The following CARD8 variants were observed in gnomAD, a reference collection of about 807,000 sequenced individuals.
CARD8 encodes caspase recruitment domain-containing protein 8.
CARD8 carries 38 observed loss-of-function variants against 53.2 expected under a neutral mutation model. That is an observed-to-expected ratio of 0.71 (90% CI 0.55 to 0.94). The LOEUF (loss-of-function observed/expected upper bound fraction) is 0.94, where lower values mean the gene tolerates loss of function less well. CARD8 is among the 40% of genes least tolerant of loss of function. The pLI is 0.00. For synonymous variants in CARD8, 245 were observed against 244.9 expected (o/e 1.00, Z 0.00); for missense variants, 561 against 655.5 (o/e 0.86, Z 1.57).
intron 9 of CARD8, 31 bp from the exon 10 acceptor site, chr19:48,230,731 G>A: frequency 6.2e-7 from 1 of 1,612,796 alleles, no homozygotes; most frequent in Non-Finnish European, 8.5e-7. Flanking sequence ...CAGTGAGACG[G>A]CACGCACCCC....
chr19:48,223,332 C>T (rs1431581484), intron 10 of CARD8, among the ~76,000 whole-genome samples: 1 of 151,420 alleles, frequency 6.6e-6, no homozygotes, highest in South Asian at 2.1e-4. Flanking sequence ...AAAGAAATGT[C>T]AGCAGATCTC....
intron 3 of CARD8, among the ~76,000 whole-genome samples, chr19:48,245,134 T>C (rs1162029445): frequency 6.6e-6 from 1 of 152,238 alleles, no homozygotes; most frequent in Non-Finnish European, 1.5e-5. Flanking sequence ...CTACACGTTA[T>C]TTTCCTCTAT....
intron 11 of CARD8, among the ~76,000 whole-genome samples, chr19:48,220,959 AAGGAAGG>A (rs1260758065): frequency 0.012 from 917 of 77,972 alleles, 15 homozygotes; most frequent in African/African-American, 0.044. Context: ...AAAGGAAAGG[AAGGAAGG>A]AAGGAAGGAA....
rs1458086148 is a variant in CARD8, at chr19:48,209,393, T to G, written c.*2317A>C. 2 of 151,900 alleles carry G rather than the reference T, an allele frequency of 1.3e-5. No individual in the cohort carries two copies. The highest frequency in any genetic ancestry group is 1.9e-4 in the East Asian group (1 of 5,196). 9.4% of individuals were successfully genotyped at this position (151,900 alleles called of 1,614,324 possible). A position where few individuals can be genotyped will look rare whatever the true frequency, so the allele number is the denominator to read the frequency against. ...AAAATATAGAGAACAAAATGGAAAT[T>G]TTAGAACTGATACATACAGTGACCA... On this transcript the variant is annotated 3_prime_UTR_variant, in exon 14 of 14. Coordinates refer to ENST00000651546, the MANE Select transcript of CARD8 (RefSeq NM_001184900.3).
chr19:48,246,706 G>A (rs372242704), intron 3 of CARD8, among the ~76,000 whole-genome samples: 8 of 152,094 alleles, frequency 5.3e-5, no homozygotes, highest in Admixed American at 2.6e-4. Context: ...TCCCAAGCAC[G>A]TGCTGAATGA....
chr19:48,216,271 T>C (rs1176058585), intron 12 of CARD8, among the ~76,000 whole-genome samples: 1 of 152,228 alleles, frequency 6.6e-6, no homozygotes, highest in Non-Finnish European at 1.5e-5. Flanking sequence ...AAATATGTAT[T>C]GCATGTTGGC....
chr19:48,232,918 C>T (rs1008573956), intron 6 of CARD8: 13 of 392,030 alleles, frequency 3.3e-5, no homozygotes, highest in South Asian at 5.8e-5. Context: ...ATTATGCCCA[C>T]GTTCAATGTG....
rs532635381 is a variant in CARD8, at chr19:48,210,347, C to T, written c.*1363G>A. The T allele has an allele frequency of 5.9e-5, 9 of 151,968 alleles. No individual in the cohort carries two copies. Among genetic ancestry groups the T allele is most frequent in the Admixed American group, 2.6e-4 (4 of 15,250 alleles). 9.4% of individuals were successfully genotyped at this position (151,968 alleles called of 1,614,324 possible). On this transcript the variant is annotated 3_prime_UTR_variant, in exon 14 of 14. Coordinates refer to ENST00000651546, the MANE Select transcript of CARD8 (RefSeq NM_001184900.3). ...GAACCACTCTAAAAGAACTAAAAAA[C>T]GTCTATCAGAGGAAGTGGAAATTTG...
chr19:48,221,008 A>AGAAAAAG (rs1555806506), intron 11 of CARD8, among the ~76,000 whole-genome samples: 12,742 of 120,810 alleles, frequency 0.11, 989 homozygotes, highest in South Asian at 0.19. Flanking sequence ...GAAAGAAAGA[A>AGAAAAAG]AAAGAAAGAA....
chr19:48,221,961 T>A, intron 10 of CARD8, 106 bp from the exon 11 acceptor site: 2 of 824,180 alleles, frequency 2.4e-6, no homozygotes, highest in East Asian at 5.5e-5. Flanking sequence ...TAGGCTATGA[T>A]TCAATTGATA....
intron 10 of CARD8, 67 bp downstream of exon 10, chr19:48,230,371 G>C: frequency 6.7e-7 from 1 of 1,501,882 alleles, no homozygotes; most frequent in South Asian, 1.3e-5. Context: ...AGGAACTGGA[G>C]GGGCCAAGGG....
At chr19:48,221,470 A>G (rs1009236746) in intron 11 of CARD8, among the ~76,000 whole-genome samples, 4 of 152,176 alleles carry the variant, frequency 2.6e-5, no homozygotes, top group African/African-American at 9.7e-5. Flanking sequence ...ATAACAGGGA[A>G]ATGGAAATTT....
At chr19:48,203,773 G>A (rs980760688), downstream of CARD8, 14 of 167,516 alleles carry the variant, frequency 8.4e-5, no homozygotes, top group Non-Finnish European at 1.3e-5. Context: ...AGCCCTTCCC[G>A]ATGTTTCATT....
chr19:48,230,700 G>C lies in CARD8; in HGVS notation c.773C>G (p.Ala258Gly). The stretch of plus-strand genomic sequence containing the variant: ...AAACCAGGAGACGTCCACCTCACCT[G>C]CTGCAGGAGAACCACAACAGCAGTG... Reference protein sequence around the residue: ...IHLPHFISLQAGEVDVSWFLV... With the variant: ...IHLPHFISLQGGEVDVSWFLV... Residue 258 changes from alanine to glycine, a missense_variant and splice_region_variant, in exon 10 of 14, where the codon GCA (alanine) becomes GGA (glycine). Ala to Gly is a moderately conservative substitution (Grantham distance 60). Transcript: ENST00000651546. 6.2e-7 allele frequency: 1 copy of C among 1,613,444 alleles called. No individual in the cohort carries two copies. The highest frequency in any genetic ancestry group is 8.5e-7 in the Non-Finnish European group (1 of 1,179,494).
At chr19:48,236,447 C>G (rs1046789697) in intron 5 of CARD8, among the ~76,000 whole-genome samples, 5 of 152,172 alleles carry the variant, frequency 3.3e-5, no homozygotes, top group African/African-American at 1.2e-4. Flanking sequence ...CTCCTGACCT[C>G]AAGTGAACCA....
chr19:48,216,161 G>A (rs1167931011), intron 12 of CARD8, among the ~76,000 whole-genome samples: 2 of 150,324 alleles, frequency 1.3e-5, no homozygotes, highest in Non-Finnish European at 3.0e-5. Context: ...GCATGATTGT[G>A]ACACCTGGAA....
chr19:48,215,242 G>A (rs980080894), intron 13 of CARD8, 98 bp downstream of exon 13: 13 of 853,302 alleles, frequency 1.5e-5, no homozygotes, highest in Non-Finnish European at 2.4e-5. Flanking sequence ...TGCCAGTAAC[G>A]TTCTGGTGCC....
intron 1 of CARD8, among the ~76,000 whole-genome samples, chr19:48,254,793 T>C (rs1466812875): frequency 2.6e-5 from 4 of 152,146 alleles, no homozygotes; most frequent in Non-Finnish European, 5.9e-5. Flanking sequence ...GCTCTTATCC[T>C]TGCATGCCTG....
At chr19:48,252,797 T>C (rs2047089945) in intron 1 of CARD8, among the ~76,000 whole-genome samples, 1 of 86,186 alleles carries the variant, frequency 1.2e-5, no homozygotes, top group African/African-American at 5.3e-5. Flanking sequence ...CGCACTGGCC[T>C]TATCAGTATA....
Sources: gnomAD v4.1 joint callset for allele counts (sites outside exome capture counted in the v4.1 genomes callset) on GRCh38, gnomAD v4.1.1 for gene constraint, MANE v1.5 for transcripts, NCBI Gene and HGNC (gene_info 2026-07-23, HGNC 2026-07-21) for gene names.